Variants in ATRNL1 observed in about 807,000 individuals in gnomAD.
ATRNL1 encodes attractin like 1, also known as attractin-like protein 1.
In ATRNL1, 95 loss-of-function variants were observed where a neutral mutation model predicts 182.7. The ratio of observed to expected loss-of-function variants is 0.52; its 90% CI spans 0.44 to 0.62. The LOEUF (loss-of-function observed/expected upper bound fraction) is 0.62. Ranked by LOEUF, ATRNL1 falls within the 20% of genes least tolerant of loss-of-function variation. ATRNL1 has a pLI of 0.00. For missense variants in ATRNL1, 1,471 were observed against 1,679.5 expected (o/e 0.88, Z 2.17); for synonymous variants, 576 against 568.3 (o/e 1.01, Z -0.19).
At chr10:115,245,895 C>T (rs1378660447) in intron 10 of ATRNL1, among the ~76,000 whole-genome samples, 3 of 152,066 alleles carry the variant, frequency 2.0e-5, no homozygotes, top group Non-Finnish European at 4.4e-5. Flanking sequence ...CAGGAAAATC[C>T]TTAGAATCAT....
chr10:115,829,632 G>C (rs1462458691), intron 27 of ATRNL1, among the ~76,000 whole-genome samples: 1 of 151,630 alleles, frequency 6.6e-6, no homozygotes, highest in African/African-American at 2.4e-5. Context: ...GCCAAAAAAA[G>C]ATATACCCTT....
chr10:115,368,032 C>G (rs1363403381), intron 19 of ATRNL1, among the ~76,000 whole-genome samples: 1 of 152,194 alleles, frequency 6.6e-6, no homozygotes, highest in Non-Finnish European at 1.5e-5. Flanking sequence ...CCTCCTTGAG[C>G]TGTGGTGGGC....
At chr10:115,183,858 AT>A (rs1486619324) in intron 8 of ATRNL1, among the ~76,000 whole-genome samples, 3 of 151,570 alleles carry the variant, frequency 2.0e-5, no homozygotes, top group Non-Finnish European at 4.4e-5. Context: ...GAAATGGAAA[AT>A]TTACATATGT....
At chr10:115,126,439 C>G (rs1248105435) in intron 3 of ATRNL1, among the ~76,000 whole-genome samples, 4 of 152,118 alleles carry the variant, frequency 2.6e-5, no homozygotes, top group Non-Finnish European at 4.4e-5. Flanking sequence ...TAGTAATACT[C>G]ACCTTTATAT....
chr10:115,727,402 A>G, intron 27 of ATRNL1, 47 bp downstream of exon 27: 1 of 1,361,660 alleles, frequency 7.3e-7, no homozygotes, highest in South Asian at 1.2e-5. Context: ...TTGCATATTT[A>G]TTATATTGCT....
intron 24 of ATRNL1, among the ~76,000 whole-genome samples, chr10:115,477,173 C>T (rs1481136929): frequency 6.6e-6 from 1 of 151,384 alleles, no homozygotes; most frequent in Non-Finnish European, 1.5e-5. Context: ...TTAATAATAA[C>T]CCAAATTCTT....
chr10:115,489,650 A>G (rs1197317229), intron 24 of ATRNL1, among the ~76,000 whole-genome samples: 1 of 152,190 alleles, frequency 6.6e-6, no homozygotes, highest in Non-Finnish European at 1.5e-5. Context: ...TCCTGAATAC[A>G]GCACACTGAT....
chr10:115,163,317 TA>T (rs1846886138), intron 6 of ATRNL1, among the ~76,000 whole-genome samples: 1 of 151,676 alleles, frequency 6.6e-6, no homozygotes, highest in South Asian at 2.1e-4. Context: ...TTGATTATTT[TA>T]TTTTTTCTTT....
intron 27 of ATRNL1, among the ~76,000 whole-genome samples, chr10:115,754,016 T>A (rs1948518962): frequency 6.6e-6 from 1 of 152,074 alleles, no homozygotes; most frequent in African/African-American, 2.4e-5. Context: ...CACTTTTTAA[T>A]GGGGTTGTTT....
intron 19 of ATRNL1, among the ~76,000 whole-genome samples, chr10:115,345,877 C>T (rs1188227503): frequency 1.3e-5 from 2 of 151,984 alleles, no homozygotes; most frequent in Admixed American, 1.3e-4. Context: ...CCTTCTTTCA[C>T]TAAATGTTAT....
intron 26 of ATRNL1, among the ~76,000 whole-genome samples, chr10:115,660,843 A>G (rs1860638770): frequency 6.6e-6 from 1 of 152,150 alleles, no homozygotes; most frequent in African/African-American, 2.4e-5. Flanking sequence ...GCATGCATGC[A>G]TTTACATATG....
intron 19 of ATRNL1, among the ~76,000 whole-genome samples, chr10:115,348,535 A>T (rs1856083154): frequency 1.3e-5 from 2 of 152,178 alleles, no homozygotes. Flanking sequence ...AATCTGACTT[A>T]TAAACTGTAG....
At chr10:115,581,892 C>G (rs1488295655) in intron 26 of ATRNL1, among the ~76,000 whole-genome samples, 8 of 115,344 alleles carry the variant, frequency 6.9e-5, no homozygotes, top group African/African-American at 2.6e-4. Context: ...TATCCCTCCC[C>G]CCTCCCCCCA....
intron 28 of ATRNL1, among the ~76,000 whole-genome samples, chr10:115,912,546 G>T (rs2134529378): frequency 6.6e-6 from 1 of 152,008 alleles, no homozygotes; most frequent in East Asian, 1.9e-4. Context: ...CTTCAAAAGA[G>T]TTCATATTCA....
chr10:115,483,548 A>C (rs1294791952), intron 24 of ATRNL1, among the ~76,000 whole-genome samples: 1 of 151,582 alleles, frequency 6.6e-6, no homozygotes, highest in Non-Finnish European at 1.5e-5. Flanking sequence ...TGTAACAACA[A>C]AATATACCAC....
rs528225817 is a variant in ATRNL1, at chr10:115,215,539, A to G, written c.1349-158A>G. Among the ~76,000 whole-genome samples, 14 of 152,208 alleles carry G rather than the reference A, an allele frequency of 9.2e-5. No homozygotes were observed. In the East Asian group the frequency reaches 2.7e-3, roughly 30 times the overall value. On this transcript the variant is annotated intron_variant, in intron 8 of 28. Coordinates refer to ENST00000355044, the MANE Select transcript of ATRNL1 (RefSeq NM_207303.4). ...TCAAACCCAGCACCTAACCTGGCAC[A>G]TACTTAATAAGTGTTTCTTGATTAA... is the stretch of plus-strand genomic sequence containing the variant.
chr10:115,226,948 A>G (rs12259840), intron 9 of ATRNL1, among the ~76,000 whole-genome samples: 2,002 of 152,294 alleles, frequency 0.013, 41 homozygotes, highest in African/African-American at 0.046. Context: ...AAAGATTGAA[A>G]TGTAAAACCT....
chr10:115,343,750 G>C (rs1334552676), intron 19 of ATRNL1, among the ~76,000 whole-genome samples: 1 of 152,104 alleles, frequency 6.6e-6, no homozygotes, highest in Non-Finnish European at 1.5e-5. Flanking sequence ...CACTGTCTGG[G>C]CTTGTTGGTA....
At chr10:115,541,969 T>G (rs1554992134) in intron 25 of ATRNL1, among the ~76,000 whole-genome samples, 1 of 152,168 alleles carries the variant, frequency 6.6e-6, no homozygotes, top group African/African-American at 2.4e-5. Context: ...TCAAAATAAT[T>G]AAAATTTTTG....
Sources: gnomAD v4.1 joint callset for allele counts (sites outside exome capture counted in the v4.1 genomes callset) on GRCh38, gnomAD v4.1.1 for gene constraint, MANE v1.5 for transcripts, NCBI Gene and HGNC (gene_info 2026-07-23, HGNC 2026-07-21) for gene names.